The following FAM81A variants were observed in gnomAD, a reference collection of about 807,000 sequenced individuals.
FAM81A encodes family with sequence similarity 81 member A.
In FAM81A, 19 loss-of-function variants were observed where a neutral mutation model predicts 46.7. The ratio of observed to expected loss-of-function variants is 0.41; its 90% CI spans 0.28 to 0.60. FAM81A has a LOEUF of 0.60. Ranked by LOEUF, FAM81A falls within the 20% of genes least tolerant of loss-of-function variation. FAM81A has a pLI of 0.34. For synonymous variants in FAM81A, 183 were observed against 152.9 expected (o/e 1.20, Z -1.45); for missense variants, 377 against 453.5 (o/e 0.83, Z 1.53).
At chr15:59,431,531 C>CG (rs2081219988) in intron 2 of FAM81A, among the ~76,000 whole-genome samples, 1 of 146,036 alleles carries the variant, frequency 6.8e-6, no homozygotes, top group East Asian at 1.9e-4. Context: ...CTGCAACCAG[C>CG]CTTTTTTTTT....
In FAM81A at chr15:59,402,089, C is replaced by T. The variant is rs188312634; in HGVS notation, c.-160-187C>T. ...CGGGTCTTAGAGACCCATGAGCTGA[C>T]GCCGTGCAGGCCTGACAGGAGAGTG... On this transcript the variant is annotated intron_variant, in intron 1 of 4. Coordinates refer to the FAM81A transcript ENST00000558348. 140 of 470,208 alleles carry T rather than the reference C, an allele frequency of 3.0e-4. No individual in the cohort carries two copies. In the Middle Eastern group the frequency reaches 3.0e-3, roughly 10 times the overall value. The allele number at this position is 470,208 out of a possible 1,614,324, so 29.1% of individuals were successfully genotyped here.
intron 1 of FAM81A, among the ~76,000 whole-genome samples, chr15:59,450,969 A>C (rs1470564786): frequency 2.0e-5 from 3 of 152,238 alleles, no homozygotes; most frequent in African/African-American, 7.2e-5. Context: ...GGTCCCACCC[A>C]CACTCAAAGG....
Position 59,460,490 on chromosome 15 carries a change from GAGA to G in FAM81A, c.294+289_294+291del, listed in dbSNP as rs1405579879. On this transcript the variant is annotated intron_variant, in intron 3 of 8. Transcript: ENST00000288228. This position sits in a 1 kb window ranked among gnomAD's most constrained non-coding sequence, Gnocchi z 4.4. ...TTTTGTTTGGCTCTTAATGAAGAGA[GAGA>G]AGAACTAGTCGAATAGTTTCACTCT... 2.9e-5 allele frequency: 14 copies of G among 486,434 alleles called. No individual in the cohort carries two copies. The East Asian group carries it at 5.4e-4, about 19-fold the overall frequency. The allele number at this position is 486,434 out of a possible 1,614,324, so 30.1% of individuals were successfully genotyped here.
At chr15:59,486,872 C>T (rs1197319460) in intron 3 of FAM81A, among the ~76,000 whole-genome samples, 1 of 152,148 alleles carries the variant, frequency 6.6e-6, no homozygotes, top group East Asian at 1.9e-4. Context: ...GCCTGTCCTA[C>T]AAGAAATGCT....
At position 59,460,336 on chromosome 15, in the gene FAM81A, A is replaced by G. The variant is rs1336607648; in HGVS notation, c.294+130A>G. On this transcript the variant is annotated intron_variant, in intron 3 of 8. Coordinates refer to ENST00000288228, the MANE Select transcript of FAM81A (RefSeq NM_152450.3). The surrounding 1 kb of genome is among the most constrained non-coding windows in gnomAD (Gnocchi z 4.4). ...TAGAACAAAGCTGTCTGTCTTGTCT[A>G]TTCTTAATGATCGCCAAGGAGACAG... is the stretch of plus-strand genomic sequence containing the variant. The G allele has an allele frequency of 3.3e-6, 4 of 1,219,296 alleles. No individual in the cohort carries two copies. The highest frequency in any genetic ancestry group is 4.8e-6 in the Non-Finnish European group (4 of 829,160). The allele number at this position is 1,219,296 out of a possible 1,614,324, so 75.5% of individuals were successfully genotyped here.
At chr15:59,425,830 G>T (rs2081192394) in intron 2 of FAM81A, among the ~76,000 whole-genome samples, 1 of 152,102 alleles carries the variant, frequency 6.6e-6, no homozygotes, top group Admixed American at 6.5e-5. Context: ...TCACTATGCT[G>T]CCCAGGCTTG....
chr15:59,522,043 C>T lies in FAM81A; in HGVS notation c.*665C>T, dbSNP rs577383459. On this transcript the variant is annotated 3_prime_UTR_variant, in exon 9 of 9. Transcript: ENST00000288228. ...ATTTAGATAACGTAAGGCTCAATAT[C>T]TGCGTTGACCACCTAGATATTACAG... is the stretch of plus-strand genomic sequence containing the variant. The T allele has an allele frequency of 6.6e-6, 1 of 152,626 alleles. No individual in the cohort carries two copies. The highest frequency in any genetic ancestry group is 1.5e-5 in the Non-Finnish European group (1 of 68,006). 9.5% of individuals were successfully genotyped at this position (152,626 alleles called of 1,614,324 possible).
chr15:59,503,889 T>A (rs1386558488), intron 4 of FAM81A, among the ~76,000 whole-genome samples: 3 of 152,202 alleles, frequency 2.0e-5, no homozygotes, highest in Non-Finnish European at 2.9e-5. Context: ...ACTGTTGTAT[T>A]AATAGAAATT....
intron 3 of FAM81A, among the ~76,000 whole-genome samples, chr15:59,462,751 G>A (rs1240773087): frequency 1.3e-5 from 2 of 152,028 alleles, no homozygotes; most frequent in Non-Finnish European, 2.9e-5. Flanking sequence ...TCATATAAGT[G>A]GAATCAGACA....
At chr15:59,406,885 G>GT (rs35428955) in intron 2 of FAM81A, 3,619 of 137,936 alleles carry the variant, frequency 0.026, 87 homozygotes, top group African/African-American at 0.068. Context: ...TGGAGGGAAA[G>GT]TTTTTTTTTT....
chr15:59,459,981 A>G lies in FAM81A; in HGVS notation c.69A>G (p.Pro23=). 1.2e-6 allele frequency: 2 copies of G among 1,612,386 alleles called. No homozygotes were observed. The highest frequency in any genetic ancestry group is 1.7e-6 in the Non-Finnish European group (2 of 1,179,154). Residue 23 remains proline (P), a synonymous_variant, in exon 3 of 9, where the codon CCA becomes CCG. Coordinates refer to ENST00000288228, the MANE Select transcript of FAM81A (RefSeq NM_152450.3). Reference sequence around the variant, plus strand: ...ACAGCCAGTCCCTGACCATGGCACCATACTCATCTGTAAGCCTCGTGGAGC... The same window carrying G: ...ACAGCCAGTCCCTGACCATGGCACCGTACTCATCTGTAAGCCTCGTGGAGC... ...PRHSQSLTMA[P]YSSVSLVEQL...
intron 1 of FAM81A, among the ~76,000 whole-genome samples, chr15:59,440,779 C>T (rs1259131800): frequency 6.6e-6 from 1 of 152,194 alleles, no homozygotes; most frequent in Non-Finnish European, 1.5e-5. Context: ...TGTTTCTCCA[C>T]TTGGGGCATG....
intron 4 of FAM81A, among the ~76,000 whole-genome samples, chr15:59,495,526 T>TA (rs2082024063): frequency 6.6e-6 from 1 of 152,234 alleles, no homozygotes. Context: ...TTCTCTTGGA[T>TA]ATGTACCTAG....
At chr15:59,419,379 A>T (rs954107077) in intron 2 of FAM81A, among the ~76,000 whole-genome samples, 5 of 152,122 alleles carry the variant, frequency 3.3e-5, no homozygotes, top group Admixed American at 1.3e-4. Flanking sequence ...CCTCCCTAGA[A>T]ACTTCCCCTA....
intron 1 of FAM81A, among the ~76,000 whole-genome samples, chr15:59,444,891 C>CATAG (rs1366561353): frequency 2.0e-5 from 3 of 152,288 alleles, no homozygotes; most frequent in Non-Finnish European, 1.5e-5. Context: ...CGACTCCTTC[C>CATAG]ATAGCTCAGT....
At chr15:59,466,758 G>A (rs968528238) in intron 3 of FAM81A, among the ~76,000 whole-genome samples, 4 of 152,178 alleles carry the variant, frequency 2.6e-5, no homozygotes, top group African/African-American at 9.7e-5. Flanking sequence ...TGCTTTTGGT[G>A]TTTTAGGCAT....
intron 3 of FAM81A, among the ~76,000 whole-genome samples, chr15:59,481,315 C>T (rs113702863): frequency 5.3e-5 from 8 of 152,212 alleles, no homozygotes; most frequent in Admixed American, 2.0e-4. Context: ...GGTTCTAATA[C>T]AATACCTTAT....
At chr15:59,491,713 G>GGT (rs1439721751) in intron 3 of FAM81A, among the ~76,000 whole-genome samples, 1 of 152,166 alleles carries the variant, frequency 6.6e-6, no homozygotes, top group African/African-American at 2.4e-5. Flanking sequence ...GGGAGGCCAA[G>GGT]GTGTGCGTGT....
chr15:59,404,479 G>T (rs2081085769), intron 2 of FAM81A, among the ~76,000 whole-genome samples: 1 of 151,870 alleles, frequency 6.6e-6, no homozygotes, highest in Non-Finnish European at 1.5e-5. Context: ...TTTTTTTTTA[G>T]AGACACAGTC....
Sources: allele counts gnomAD v4.1 joint callset (sites outside exome capture counted in the v4.1 genomes callset), GRCh38; gene constraint gnomAD v4.1.1; non-coding constraint Gnocchi (gnomAD v3.1); transcripts MANE v1.5; gene names NCBI Gene and HGNC (gene_info 2026-07-23, HGNC 2026-07-21).